RIMS4: variants seen among roughly 807,000 people sequenced by gnomAD.
RIMS4 encodes the protein regulating synaptic membrane exocytosis protein 4.
RIMS4 carries 9 observed loss-of-function variants against 29.0 expected under a neutral mutation model. The ratio of observed to expected loss-of-function variants is 0.31; its 90% confidence interval spans 0.19 to 0.54. The LOEUF (loss-of-function observed/expected upper bound fraction) is 0.54, where lower values mean the gene tolerates loss of function less well. Ranked by LOEUF, RIMS4 falls within the 20% of genes least tolerant of loss-of-function variation. The probability of loss-of-function intolerance (pLI) is 0.94; values close to 1 mark genes in which losing one functional copy is unlikely to be tolerated. For synonymous variants in RIMS4, 130 were observed against 152.9 expected (o/e 0.85, Z 1.10); for missense variants, 193 against 365.7 (o/e 0.53, Z 3.85).
At chr20:44,781,742 C>T (rs917038015) in intron 1 of RIMS4, among the ~76,000 whole-genome samples, 1 of 152,186 alleles carries the variant, frequency 6.6e-6, no homozygotes, top group Non-Finnish European at 1.5e-5. Flanking sequence ...CACAGTCCCA[C>T]AAAAAGCTGT....
At chr20:44,768,518 G>T (rs139315974) in intron 2 of RIMS4, among the ~76,000 whole-genome samples, 60 of 152,316 alleles carry the variant, frequency 3.9e-4, no homozygotes, top group Admixed American at 3.3e-4. Context: ...TGCCCAAAAT[G>T]CCTACAGAAC....
At chr20:44,782,244 G>T (rs1177605859) in intron 1 of RIMS4, among the ~76,000 whole-genome samples, 2 of 152,144 alleles carry the variant, frequency 1.3e-5, no homozygotes, top group Non-Finnish European at 2.9e-5. Context: ...GTGGCTTACA[G>T]AACAAAGTTC....
intron 1 of RIMS4, among the ~76,000 whole-genome samples, chr20:44,806,618 G>T (rs961523494): frequency 2.0e-5 from 3 of 152,206 alleles, no homozygotes; most frequent in Non-Finnish European, 2.9e-5. Flanking sequence ...CTACAGTCAT[G>T]TTCAGAAACA....
intron 1 of RIMS4, among the ~76,000 whole-genome samples, chr20:44,783,234 A>T (rs2066192550): frequency 2.0e-5 from 3 of 152,396 alleles, no homozygotes; most frequent in Middle Eastern, 3.4e-3. Context: ...TAACTGTAAC[A>T]GTCAAAAAGT....
intron 1 of RIMS4, among the ~76,000 whole-genome samples, chr20:44,777,881 T>C (rs2066167186): frequency 6.6e-6 from 1 of 152,118 alleles, no homozygotes. Flanking sequence ...ACACAAGAGC[T>C]CTGGGTGACT....
At position 44,754,552 on chromosome 20, in the gene RIMS4, T is replaced by A. The variant is rs2066049853; in HGVS notation, c.*1582A>T. On this transcript the variant is annotated 3_prime_UTR_variant, in exon 6 of 6. Transcript: ENST00000372851. ...TAAAGAAAGTCAGTACCAAGAATAA[T>A]AAATCAGAACAGCCGAGTATAACAG... The A allele has an allele frequency of 6.5e-6, 1 of 153,070 alleles. No homozygotes were observed. Among genetic ancestry groups the A allele is most frequent in the Admixed American group, 6.5e-5 (1 of 15,276 alleles). The allele number at this position is 153,070 out of a possible 1,614,324, so 9.5% of individuals were successfully genotyped here. A position where few individuals can be genotyped will look rare whatever the true frequency, so the allele number is the denominator to read the frequency against.
At chr20:44,810,126 C>T (rs746606322) in intron 1 of RIMS4, 49 bp downstream of exon 1, 3 of 1,251,718 alleles carry the variant, frequency 2.4e-6, no homozygotes, top group South Asian at 1.3e-5. Context: ...GCTACCGGAC[C>T]TGGATCCCGG....
chr20:44,753,303 G>A lies in RIMS4; in HGVS notation c.*2831C>T, dbSNP rs1381036782. 6.6e-6 allele frequency: 1 copy of A among 152,594 alleles called. No homozygotes were observed. The highest frequency in any genetic ancestry group is 1.5e-5 in the Non-Finnish European group (1 of 68,086). 9.5% of individuals were successfully genotyped at this position (152,594 alleles called of 1,614,324 possible). On this transcript the variant is annotated 3_prime_UTR_variant, in exon 6 of 6. Coordinates refer to ENST00000372851, the MANE Select transcript of RIMS4 (RefSeq NM_182970.4). ...GGCTCCGGCTCAGCCTCTATTGGGA[G>A]GAGGGGACCCAGGCTGGGGGTGCCA...
At chr20:44,802,656 G>A (rs569686314) in intron 1 of RIMS4, among the ~76,000 whole-genome samples, 110 of 152,308 alleles carry the variant, frequency 7.2e-4, no homozygotes, top group South Asian at 1.5e-3. Flanking sequence ...AGCCATCTGC[G>A]CCTAAGGAAC....
In RIMS4 at chr20:44,799,198, G is replaced by A. The variant is rs182659759; in HGVS notation, c.97+10977C>T. ...CGCGCCTGTAGTCCCAGCCACTCAG[G>A]AGGCTGAGGCAGGAGAATTACATGA... On this transcript the variant is annotated intron_variant, in intron 1 of 5. Transcript: ENST00000372851. 2.6e-3 allele frequency among the ~76,000 whole-genome samples: 389 copies of A among 152,246 alleles called. 1 individual carries two copies. Among genetic ancestry groups the A allele is most frequent in the African/African-American group, 9.0e-3 (375 of 41,536 alleles).
intron 1 of RIMS4, among the ~76,000 whole-genome samples, chr20:44,783,980 T>C (rs2066196663): frequency 6.6e-6 from 1 of 152,214 alleles, no homozygotes; most frequent in African/African-American, 2.4e-5. Context: ...GGTATATGAA[T>C]TATATCTCAA....
chr20:44,768,739 C>T (rs1043907374), intron 2 of RIMS4, among the ~76,000 whole-genome samples: 14 of 152,210 alleles, frequency 9.2e-5, no homozygotes, highest in Admixed American at 7.9e-4. Context: ...CCACCTCAAG[C>T]CTTTTAGTAA....
At chr20:44,757,938 A>T in intron 3 of RIMS4, 134 bp downstream of exon 3, 1 of 928,058 alleles carries the variant, frequency 1.1e-6, no homozygotes, top group East Asian at 2.5e-5. Context: ...AGGGCTTGAG[A>T]GTGTGCCCTG....
At chr20:44,788,290 G>C (rs2066217447) in intron 1 of RIMS4, among the ~76,000 whole-genome samples, 2 of 152,182 alleles carry the variant, frequency 1.3e-5, no homozygotes, top group South Asian at 4.1e-4. Flanking sequence ...CATTTCAAGT[G>C]CTGAGTAGCC....
At chr20:44,788,674 G>A (rs1217540326) in intron 1 of RIMS4, among the ~76,000 whole-genome samples, 3 of 152,118 alleles carry the variant, frequency 2.0e-5, no homozygotes, top group Non-Finnish European at 4.4e-5. Context: ...TTGGGAGGCT[G>A]AGGTTTGAGC....
Position 44,810,523 on chromosome 20 carries a change from G to GGCA in RIMS4, c.-253_-252insTGC, listed in dbSNP as rs1474478039. 6.9e-6 allele frequency among the ~76,000 whole-genome samples: 1 copy of GGCA among 145,368 alleles called. No homozygotes were observed. Among genetic ancestry groups the GGCA allele is most frequent in the African/African-American group, 2.5e-5 (1 of 40,556 alleles). ...CGGCGGCGGCGGCGGCGGTGGCGGC[G>GGCA]GCGGTGGCGGCGCAGCGCGCTCTGG... is the stretch of plus-strand genomic sequence containing the variant. On this transcript the variant is annotated 5_prime_UTR_variant, in exon 1 of 6. Coordinates refer to ENST00000372851, the MANE Select transcript of RIMS4 (RefSeq NM_182970.4).
At chr20:44,810,152 T>TG in intron 1 of RIMS4, 23 bp downstream of exon 1, 2 of 1,433,330 alleles carry the variant, frequency 1.4e-6, no homozygotes, top group African/African-American at 1.5e-5. Context: ...CCCGGGGGTC[T>TG]GGGGGGCGGG....
chr20:44,759,755 A>G (rs1377124420), intron 2 of RIMS4, among the ~76,000 whole-genome samples: 1 of 152,270 alleles, frequency 6.6e-6, no homozygotes, highest in Admixed American at 6.5e-5. Context: ...GAACTGAGCC[A>G]TATAAATGGC....
chr20:44,803,433 G>T lies in RIMS4; in HGVS notation c.97+6742C>A, dbSNP rs1366720560. Among the ~76,000 whole-genome samples, 3 of 152,316 alleles carry T rather than the reference G, an allele frequency of 2.0e-5. No individual in the cohort carries two copies. In the East Asian group the frequency reaches 5.8e-4, roughly 29 times the overall value. The stretch of plus-strand genomic sequence containing the variant: ...CAGTCTTGGAAAGCCAGACCTGGAA[G>T]CAGCCCAGCTGGTCCATCCAGAGAA... On this transcript the variant is annotated intron_variant, in intron 1 of 5. Coordinates refer to ENST00000372851, the MANE Select transcript of RIMS4 (RefSeq NM_182970.4).
Sources: gnomAD v4.1 joint callset for allele counts (sites outside exome capture counted in the v4.1 genomes callset) on GRCh38, gnomAD v4.1.1 for gene constraint, MANE v1.5 for transcripts, NCBI Gene and HGNC (gene_info 2026-07-23, HGNC 2026-07-21) for gene names.